IRGC: variants seen among roughly 807,000 people sequenced by gnomAD.
IRGC encodes the protein immunity related GTPase cinema.
A neutral mutation model predicts 16.1 loss-of-function variants in IRGC; 4 were observed. That is an observed-to-expected ratio of 0.25 (90% CI 0.12 to 0.57). The LOEUF (loss-of-function observed/expected upper bound fraction) is 0.57. Ranked by LOEUF, IRGC falls within the 20% of genes least tolerant of loss-of-function variation. The probability of loss-of-function intolerance (pLI) is 0.92; values close to 1 mark genes in which losing one functional copy is unlikely to be tolerated. For synonymous variants in IRGC, 307 were observed against 299.5 expected, an observed-to-expected ratio of 1.03 and a Z score of -0.26; for missense variants, 570 against 643.9, an observed-to-expected ratio of 0.89 and a Z score of 1.24.
In IRGC at chr19:43,718,831, G is replaced by T; in HGVS notation, c.273G>T (p.Glu91Asp). 6.2e-7 allele frequency: 1 copy of T among 1,613,102 alleles called. No individual in the cohort carries two copies. The highest frequency in any genetic ancestry group is 8.5e-7 in the Non-Finnish European group (1 of 1,179,986). The change falls in exon 2 of 2, where the codon GAG (glutamate) becomes GAT (aspartate). Residue 91 changes from glutamate to aspartate, a missense_variant. Glu to Asp is a conservative substitution (Grantham distance 45). Coordinates refer to ENST00000244314, the MANE Select transcript of IRGC (RefSeq NM_019612.4). Reference protein sequence around the residue: ...DPGAALTGVMETTMQPSPYPH... With the variant: ...DPGAALTGVMDTTMQPSPYPH... ...GCGCGGCTCTCACGGGCGTCATGGA[G>T]ACCACGATGCAACCGTCGCCCTATC...
Position 43,718,852 on chromosome 19 carries a change from C to G in IRGC, c.294C>G (p.Pro98=), listed in dbSNP as rs777142909. ...GVMETTMQPS[P]YPHPQFPDVT... is the part of the protein sequence containing the mutation. ...TGGAGACCACGATGCAACCGTCGCC[C>G]TATCCACACCCACAGTTCCCTGACG... Residue 98 remains proline (P), a synonymous_variant, in exon 2 of 2, where the codon CCC becomes CCG. Transcript: ENST00000244314. 4 of 1,613,250 alleles carry G rather than the reference C, an allele frequency of 2.5e-6. No homozygotes were observed. Among genetic ancestry groups the G allele is most frequent in the Non-Finnish European group, 3.4e-6 (4 of 1,179,984 alleles).
chr19:43,718,166 T>C (rs919583126), intron 1 of IRGC, among the ~76,000 whole-genome samples: 1 of 152,122 alleles, frequency 6.6e-6, no homozygotes. Context: ...AGGGCACACA[T>C]ACACCCAGAA....
Position 43,719,648 on chromosome 19 carries a change from G to T in IRGC, c.1090G>T (p.Gly364Cys). 1.2e-6 allele frequency: 2 copies of T among 1,607,714 alleles called. No homozygotes were observed. Among genetic ancestry groups the T allele is most frequent in the Non-Finnish European group, 1.7e-6 (2 of 1,179,950 alleles). Residue 364 changes from glycine to cysteine, a missense_variant, in exon 2 of 2, where the codon GGC (glycine) becomes TGC (cysteine). Transcript: ENST00000244314. ...AMRVARAFER[G>C]IPVFGTLVAG... ...GCGGGTGGCCCGCGCCTTTGAGAGG[G>T]GCATCCCTGTGTTTGGGACGCTGGT... is the stretch of plus-strand genomic sequence containing the variant.
Position 43,719,607 on chromosome 19 carries a change from C to T in IRGC, c.1049C>T (p.Ser350Leu), listed in dbSNP as rs199882680. 118 of 1,603,174 alleles carry T rather than the reference C, an allele frequency of 7.4e-5. No individual in the cohort carries two copies. In the South Asian group the frequency reaches 1.1e-3, roughly 15 times the overall value. Residue 350 changes from serine to leucine, a missense_variant, in exon 2 of 2, where the codon TCG becomes TTG. Physicochemically the swap from Ser to Leu is moderately radical, Grantham distance 145 (BLOSUM62 -2). Coordinates refer to ENST00000244314, the MANE Select transcript of IRGC (RefSeq NM_019612.4). ...ACTGTCCTGCGGCTCTATTCCCAGT[C>T]GTCCGACGGCGCCATGCGGGTGGCC... ...PETVLRLYSQSSDGAMRVARA... is the reference protein window; with the variant it reads ...PETVLRLYSQLSDGAMRVARA...
In IRGC at chr19:43,718,673, G is replaced by A. The variant is rs751389437; in HGVS notation, c.115G>A (p.Ala39Thr). 3 of 1,613,540 alleles carry A rather than the reference G, an allele frequency of 1.9e-6. No individual in the cohort carries two copies. Among genetic ancestry groups the A allele is most frequent in the Non-Finnish European group, 2.5e-6 (3 of 1,180,026 alleles). The change falls in exon 2 of 2, where the codon GCC becomes ACC. Residue 39 changes from alanine (A) to threonine (T), a missense_variant. Ala to Thr is a moderately conservative substitution (Grantham distance 58). Transcript: ENST00000244314. ...CTTTGAGTCGGGTGACCTCCCCCAG[G>A]CCGCCTCTCACCTCCAGGAGCTGCT... Reference protein sequence around the residue: ...TAFESGDLPQAASHLQELLAS... With the variant: ...TAFESGDLPQTASHLQELLAS...
intron 1 of IRGC, 41 bp downstream of exon 1, chr19:43,716,183 G>A (rs1015201763): frequency 3.3e-5 from 5 of 152,456 alleles, no homozygotes; most frequent in African/African-American, 9.7e-5. Context: ...CCTGTGCGTG[G>A]GCGGAGCAGG....
Position 43,718,670 on chromosome 19 carries a change from C to A in IRGC, c.112C>A (p.Gln38Lys). ...AGCCTTTGAGTCGGGTGACCTCCCCCAGGCCGCCTCTCACCTCCAGGAGCT... is the reference window on the plus strand; with the variant it reads ...AGCCTTTGAGTCGGGTGACCTCCCCAAGGCCGCCTCTCACCTCCAGGAGCT... Reference protein sequence around the residue: ...RTAFESGDLPQAASHLQELLA... With the variant: ...RTAFESGDLPKAASHLQELLA... The change falls in exon 2 of 2, where the codon CAG (glutamine) becomes AAG (lysine). Residue 38 changes from glutamine to lysine, a missense_variant. Transcript: ENST00000244314. 1 of 1,613,620 alleles carries A rather than the reference C, an allele frequency of 6.2e-7. No homozygotes were observed. Among genetic ancestry groups the A allele is most frequent in the East Asian group, 2.2e-5 (1 of 44,886 alleles).
intron 1 of IRGC, 25 bp from the exon 2 acceptor site, chr19:43,718,468 T>A (rs764802601): frequency 6.7e-7 from 1 of 1,496,818 alleles, no homozygotes; most frequent in East Asian, 2.3e-5. Flanking sequence ...CCAGGAGGTG[T>A]GAATGGCTCC....
chr19:43,717,159 T>C (rs571890924), intron 1 of IRGC, among the ~76,000 whole-genome samples: 79 of 152,034 alleles, frequency 5.2e-4, no homozygotes, highest in African/African-American at 1.8e-3. Flanking sequence ...GTCCAGGTGG[T>C]CCCCATGTCT....
In IRGC at chr19:43,718,984, C is replaced by T. The variant is rs749212984; in HGVS notation, c.426C>T (p.Pro142=). Reference sequence around the variant, plus strand: ...ATGACTTCTTCCTGCTGGTCTCCCCCCGCCGCTGCGGGGCCGTCGAGACCC... The same window carrying T: ...ATGACTTCTTCCTGCTGGTCTCCCCTCGCCGCTGCGGGGCCGTCGAGACCC... ...SRYDFFLLVS[P]RRCGAVETRL... The change falls in exon 2 of 2, where the codon CCC becomes CCT. Residue 142 remains proline, a synonymous_variant. Coordinates refer to ENST00000244314, the MANE Select transcript of IRGC (RefSeq NM_019612.4). 4.3e-6 allele frequency: 7 copies of T among 1,610,380 alleles called. No individual in the cohort carries two copies. The highest frequency in any genetic ancestry group is 4.2e-6 in the Non-Finnish European group (5 of 1,178,872).
At chr19:43,717,743 A>C (rs1968192236) in intron 1 of IRGC, among the ~76,000 whole-genome samples, 1 of 152,188 alleles carries the variant, frequency 6.6e-6, no homozygotes, top group Non-Finnish European at 1.5e-5. Flanking sequence ...CCCAGTACGA[A>C]ATGAAAATAT....
intron 1 of IRGC, among the ~76,000 whole-genome samples, chr19:43,716,484 T>A (rs1458108309): frequency 1.3e-5 from 2 of 151,932 alleles, no homozygotes; most frequent in African/African-American, 2.4e-5. Flanking sequence ...ACTACAGGCA[T>A]GCGCCACAAC....
In IRGC at chr19:43,718,669, C is replaced by T. The variant is rs765571187; in HGVS notation, c.111C>T (p.Pro37=). The T allele has an allele frequency of 7.4e-6, 12 of 1,613,518 alleles. No individual in the cohort carries two copies. The South Asian group carries it at 1.3e-4, about 18-fold the overall frequency. The part of the protein sequence containing the change: ...LRTAFESGDL[P]QAASHLQELL... ...CAGCCTTTGAGTCGGGTGACCTCCC[C>T]CAGGCCGCCTCTCACCTCCAGGAGC... Residue 37 remains proline (P), a synonymous_variant, in exon 2 of 2, where the codon CCC becomes CCT. Coordinates refer to ENST00000244314, the MANE Select transcript of IRGC (RefSeq NM_019612.4).
At position 43,719,948 on chromosome 19, in the gene IRGC, T is replaced by C; in HGVS notation, c.1390T>C (p.Ter464GlnextTer13). The C allele has an allele frequency of 8.1e-6, 13 of 1,612,590 alleles. No individual in the cohort carries two copies. The highest frequency in any genetic ancestry group is 1.3e-5 in the African/African-American group (1 of 74,640). Reference protein sequence around the residue: ...SWKKHDSEEK* With the variant: ...SWKKHDSEEKQ Reference sequence around the variant, plus strand: ...GAAGAAACACGACTCAGAAGAGAAATAAAGAGTGCAGCCCCGCCCCCCTGC... The same window carrying C: ...GAAGAAACACGACTCAGAAGAGAAACAAAGAGTGCAGCCCCGCCCCCCTGC... Residue 464 changes from the stop codon to glutamine, a stop_lost, in exon 2 of 2, where the codon TAA becomes CAA. Coordinates refer to ENST00000244314, the MANE Select transcript of IRGC (RefSeq NM_019612.4).
At position 43,718,691 on chromosome 19, in the gene IRGC, G is replaced by C. The variant is rs143450316; in HGVS notation, c.133G>C (p.Glu45Gln). Residue 45 changes from glutamate (E) to glutamine (Q), a missense_variant, in exon 2 of 2, where the codon GAG becomes CAG. Glu to Gln is a conservative substitution (Grantham distance 29). Coordinates refer to ENST00000244314, the MANE Select transcript of IRGC (RefSeq NM_019612.4). ...DLPQAASHLQ[E>Q]LLASTESIRL... ...CCCCCAGGCCGCCTCTCACCTCCAG[G>C]AGCTGCTGGCCTCCACGGAAAGCAT... 1.9e-6 allele frequency: 3 copies of C among 1,613,476 alleles called. No homozygotes were observed. The highest frequency in any genetic ancestry group is 1.7e-6 in the Non-Finnish European group (2 of 1,180,036).
chr19:43,718,805 G>A lies in IRGC; in HGVS notation c.247G>A (p.Gly83Ser). Reference sequence around the variant, plus strand: ...GCGTGGCCTGGAGGCCGAGGACCCTGGCGCGGCTCTCACGGGCGTCATGGA... The same window carrying A: ...GCGTGGCCTGGAGGCCGAGGACCCTAGCGCGGCTCTCACGGGCGTCATGGA... ...ALRGLEAEDP[G>S]AALTGVMETT... The change falls in exon 2 of 2, where the codon GGC becomes AGC. Residue 83 changes from glycine (G) to serine (S), a missense_variant. Transcript: ENST00000244314. 2 of 1,612,924 alleles carry A rather than the reference G, an allele frequency of 1.2e-6. No individual in the cohort carries two copies. The highest frequency in any genetic ancestry group is 8.5e-7 in the Non-Finnish European group (1 of 1,179,966).
At position 43,719,266 on chromosome 19, in the gene IRGC, G is replaced by T. The variant is rs1439883226; in HGVS notation, c.708G>T (p.Leu236=). The change falls in exon 2 of 2, where the codon CTG becomes CTT. Residue 236 remains leucine, a synonymous_variant. Coordinates refer to ENST00000244314, the MANE Select transcript of IRGC (RefSeq NM_019612.4). ...TGGTGTCCACCTGGGAGCACGACCT[G>T]CCCTCCCACCGGCGCCACGCTGGCC... ...PTLVSTWEHD[L]PSHRRHAGLL... is the part of the protein sequence containing the mutation. The T allele has an allele frequency of 6.2e-7, 1 of 1,608,772 alleles. No individual in the cohort carries two copies. The highest frequency in any genetic ancestry group is 1.1e-5 in the South Asian group (1 of 90,742).
chr19:43,718,704 C>G lies in IRGC; in HGVS notation c.146C>G (p.Ser49Cys). 6.2e-7 allele frequency: 1 copy of G among 1,613,574 alleles called. No homozygotes were observed. Among genetic ancestry groups the G allele is most frequent in the Non-Finnish European group, 8.5e-7 (1 of 1,180,008 alleles). ...AASHLQELLASTESIRLEVGV... is the reference protein window; with the variant it reads ...AASHLQELLACTESIRLEVGV... ...TCTCACCTCCAGGAGCTGCTGGCCT[C>G]CACGGAAAGCATCCGCCTGGAGGTG... The change falls in exon 2 of 2, where the codon TCC (serine) becomes TGC (cysteine). Residue 49 changes from serine (S) to cysteine (C), a missense_variant. Transcript: ENST00000244314.
chr19:43,719,672 G>A lies in IRGC; in HGVS notation c.1114G>A (p.Val372Met), dbSNP rs1232907153. 2 of 1,610,038 alleles carry A rather than the reference G, an allele frequency of 1.2e-6. No individual in the cohort carries two copies. Among genetic ancestry groups the A allele is most frequent in the Admixed American group, 1.7e-5 (1 of 59,994 alleles). The change falls in exon 2 of 2, where the codon GTG becomes ATG. Residue 372 changes from valine (V) to methionine (M), a missense_variant. Physicochemically the swap from Val to Met is conservative, Grantham distance 21. Coordinates refer to ENST00000244314, the MANE Select transcript of IRGC (RefSeq NM_019612.4). ...GGGCATCCCTGTGTTTGGGACGCTG[G>A]TGGCTGGCGGCATCAGCTTTGGCGC... ...ERGIPVFGTLVAGGISFGAVY... is the reference protein window; with the variant it reads ...ERGIPVFGTLMAGGISFGAVY...
Sources: gnomAD v4.1 joint callset for allele counts (sites outside exome capture counted in the v4.1 genomes callset) on GRCh38, gnomAD v4.1.1 for gene constraint, MANE v1.5 for transcripts, NCBI Gene and HGNC (gene_info 2026-07-23, HGNC 2026-07-21) for gene names.